Variants in MED16 observed in about 807,000 individuals in gnomAD.
MED16 encodes the protein mediator of RNA polymerase II transcription subunit 16.
In MED16, 81 loss-of-function variants were observed where a neutral mutation model predicts 84.4. The ratio of observed to expected loss-of-function variants is 0.96; its 90% CI spans 0.80 to 1.15. The LOEUF is 1.15. Ranked by LOEUF, MED16 falls within the 50% of genes most tolerant of loss-of-function variation. The probability of loss-of-function intolerance (pLI) is 0.00; values close to 1 mark genes in which losing one functional copy is unlikely to be tolerated. For missense variants in MED16, 1,585 were observed against 1,245.9 expected (o/e 1.27, Z -4.10); for synonymous variants, 897 against 552.2 (o/e 1.62, Z -8.76).
At chr19:870,567 A>AG (rs536982069) in intron 13 of MED16, among the ~76,000 whole-genome samples, 1 of 36,840 alleles carries the variant, frequency 2.7e-5, no homozygotes, top group Non-Finnish European at 7.4e-5. Context: ...TCGGGGAGAC[A>AG]AAAAAAAAAA....
intron 8 of MED16, among the ~76,000 whole-genome samples, chr19:877,973 GCCCCAC>G (rs2036298522): frequency 3.1e-5 from 1 of 32,274 alleles, no homozygotes; most frequent in Non-Finnish European, 5.5e-5. Context: ...CCCAGCCCCA[GCCCCAC>G]GTGCCCCAGC....
At chr19:881,936 C>A (rs2036429928) in intron 6 of MED16, among the ~76,000 whole-genome samples, 1 of 152,202 alleles carries the variant, frequency 6.6e-6, no homozygotes, top group Admixed American at 6.5e-5. Context: ...AAGGTGGGCC[C>A]TGGGATTTCA....
At chr19:876,607 G>A (rs1023495273) in intron 9 of MED16, among the ~76,000 whole-genome samples, 12 of 151,980 alleles carry the variant, frequency 7.9e-5, no homozygotes, top group Admixed American at 2.0e-4. Context: ...TCCTGGACGG[G>A]CCTCTGGGAG....
chr19:882,863 A>T (rs900026020), intron 6 of MED16, among the ~76,000 whole-genome samples: 1 of 152,038 alleles, frequency 6.6e-6, no homozygotes, highest in Non-Finnish European at 1.5e-5. Context: ...CAGAGCCTTG[A>T]CCTCCTGCAA....
intron 10 of MED16, among the ~76,000 whole-genome samples, chr19:874,565 AAGG>A (rs2036183360): frequency 6.6e-6 from 1 of 152,070 alleles, no homozygotes; most frequent in Non-Finnish European, 1.5e-5. Context: ...GGCAAAACGG[AAGG>A]AGGAGCAGAC....
rs767306257 is a variant in MED16, at chr19:877,057, G to GTCGTAGCCCCAC, written c.1476_1477insGTGGGGCTACGA (p.Leu492_Leu493insValGlyLeuArg). 94 of 1,612,598 alleles carry GTCGTAGCCCCAC rather than the reference G, an allele frequency of 5.8e-5. No individual in the cohort carries two copies. The highest frequency in any genetic ancestry group is 1.7e-6 in the Non-Finnish European group (2 of 1,179,916). Reference sequence around the variant, plus strand: ...TGTACCATACTGGGCTGCACGTGCAGCAGGATGTCCCACCAGTCGTAGCCG... The same window carrying GTCGTAGCCCCAC: ...TGTACCATACTGGGCTGCACGTGCAGTCGTAGCCCCACCAGGATGTCCCACCAGTCGTAGCCG... On this transcript the variant is annotated inframe_insertion, in exon 9 of 16. Transcript: ENST00000325464.
intron 4 of MED16, among the ~76,000 whole-genome samples, chr19:888,242 C>T (rs750771352): frequency 4.6e-5 from 7 of 151,480 alleles, no homozygotes; most frequent in Non-Finnish European, 8.8e-5. Flanking sequence ...AAAGGTCTGG[C>T]CGGGCTCGTT....
At chr19:890,729 C>A (rs753921287) in intron 2 of MED16, among the ~76,000 whole-genome samples, 2 of 152,228 alleles carry the variant, frequency 1.3e-5, no homozygotes, top group Non-Finnish European at 2.9e-5. Flanking sequence ...CAGCCCGATT[C>A]GATCCCGCAC....
Position 879,969 on chromosome 19 carries a change from G to C in MED16, c.1321C>G (p.Leu441Val). 1.2e-6 allele frequency: 2 copies of C among 1,607,204 alleles called. No homozygotes were observed. Among genetic ancestry groups the C allele is most frequent in the East Asian group, 2.2e-5 (1 of 44,764 alleles). Residue 441 changes from leucine to valine, a missense_variant, in exon 8 of 16, where the codon CTG (leucine) becomes GTG (valine). Physicochemically the swap from Leu to Val is conservative, Grantham distance 32 (BLOSUM62 1). Coordinates refer to ENST00000325464, the MANE Select transcript of MED16 (RefSeq NM_005481.3). ...TGGCTGTCAATCCCCACCAGGGCCA[G>C]TGACGTCCACGATAGCTGCATAGCC... The part of the protein sequence containing the change: ...LKAMQLSWTS[L>V]ALVGIDSHGK...
chr19:871,214 A>C lies in MED16; in HGVS notation c.2138T>G (p.Leu713Arg). The part of the protein sequence containing the change: ...EGPASEPDEA[L>R]VDECCLLPSQ... ...GGGCAGCAGGCAGCATTCATCCACCAGCGCCTCGTCCGGCTCGCTCGCTGG... is the reference window on the plus strand; with the variant it reads ...GGGCAGCAGGCAGCATTCATCCACCCGCGCCTCGTCCGGCTCGCTCGCTGG... Residue 713 changes from leucine to arginine, a missense_variant, in exon 13 of 16, where the codon CTG (leucine) becomes CGG (arginine). Coordinates refer to ENST00000325464, the MANE Select transcript of MED16 (RefSeq NM_005481.3). 6.5e-7 allele frequency: 1 copy of C among 1,549,026 alleles called. No individual in the cohort carries two copies. Among genetic ancestry groups the C allele is most frequent in the Middle Eastern group, 1.7e-4 (1 of 5,932 alleles).
chr19:871,709 G>A (rs781709839), intron 12 of MED16: 68 of 1,398,594 alleles, frequency 4.9e-5, no homozygotes, highest in East Asian at 1.2e-4. Context: ...CACCTGCAGG[G>A]GCTTATGTTC....
chr19:870,885 C>A lies in MED16; in HGVS notation c.2315+152G>T. On this transcript the variant is annotated intron_variant, in intron 13 of 15. Transcript: ENST00000325464. ...AGGGAGCCGTGTGGATTCGGGGGGT[C>A]CCGGGCAGGACATGGAGGCGGGGAG... The A allele has an allele frequency of 5.5e-6, 4 of 724,866 alleles. 1 individual carries two copies. The highest frequency in any genetic ancestry group is 8.6e-6 in the Non-Finnish European group (4 of 464,492). The allele number at this position is 724,866 out of a possible 1,614,324, so 44.9% of individuals were successfully genotyped here. A position where few individuals can be genotyped will look rare whatever the true frequency, so the allele number is the denominator to read the frequency against.
At chr19:883,579 C>G (rs2145237373) in intron 6 of MED16, among the ~76,000 whole-genome samples, 1 of 152,256 alleles carries the variant, frequency 6.6e-6, no homozygotes, top group Non-Finnish European at 1.5e-5. Flanking sequence ...CTGAGAAAGG[C>G]TGTGGCATGT....
chr19:890,764 C>A (rs1330405934), intron 2 of MED16, among the ~76,000 whole-genome samples, 199 bp downstream of exon 2: 1 of 152,226 alleles, frequency 6.6e-6, no homozygotes, highest in Non-Finnish European at 1.5e-5. Flanking sequence ...TGTCTCCTGG[C>A]ACCAGGTTTG....
intron 8 of MED16, among the ~76,000 whole-genome samples, chr19:879,364 C>T (rs1445582280): frequency 5.5e-5 from 8 of 146,222 alleles, no homozygotes; most frequent in African/African-American, 1.5e-4. Flanking sequence ...GTTGTCAATG[C>T]CCACCAGCCC....
intron 13 of MED16, 114 bp downstream of exon 13, chr19:870,923 G>C: frequency 1.8e-6 from 2 of 1,085,122 alleles, no homozygotes; most frequent in South Asian, 3.2e-5. Context: ...GTGTGGATTC[G>C]GGGGGACCTG....
chr19:871,638 A>C, intron 12 of MED16: 6 of 1,592,574 alleles, frequency 3.8e-6, no homozygotes, highest in Non-Finnish European at 5.1e-6. Flanking sequence ...AAGCACCCAC[A>C]CAGAGCATGG....
At chr19:874,137 A>C in intron 10 of MED16, among the ~76,000 whole-genome samples, 1 of 133,046 alleles carries the variant, frequency 7.5e-6, no homozygotes, top group South Asian at 2.2e-4. Flanking sequence ...TTTTTGAGAC[A>C]GAGTCTCACT....
chr19:878,015 G>A (rs1362904088), intron 8 of MED16, among the ~76,000 whole-genome samples: 3 of 79,644 alleles, frequency 3.8e-5, no homozygotes, highest in South Asian at 5.0e-4. Context: ...GGTTGTCAAC[G>A]CCCACCAGCC....
Sources: gnomAD v4.1 joint callset for allele counts (sites outside exome capture counted in the v4.1 genomes callset) on GRCh38, gnomAD v4.1.1 for gene constraint, MANE v1.5 for transcripts, NCBI Gene and HGNC (gene_info 2026-07-23, HGNC 2026-07-21) for gene names.